The following SDHA variants were observed in gnomAD, a reference collection of about 807,000 sequenced individuals.
SDHA encodes succinate dehydrogenase complex flavoprotein subunit A.
Under a neutral mutation model 78.4 loss-of-function variants are expected in SDHA, and 48 were observed. The observed-to-expected ratio is 0.61, with a 90% confidence interval of 0.49 to 0.78. The LOEUF (loss-of-function observed/expected upper bound fraction) is 0.78. Among genes scored for constraint, SDHA ranks in the 30% least tolerant of loss-of-function variants. The pLI, the probability that SDHA is intolerant of heterozygous loss-of-function variation, is 0.00. For missense variants in SDHA, 680 were observed against 892.7 expected, an observed-to-expected ratio of 0.76 and a Z score of 3.04; for synonymous variants, 326 against 353.9, an observed-to-expected ratio of 0.92 and a Z score of 0.88.
chr5:262,358 A>G, the SDHA span, among the ~76,000 whole-genome samples: 1 of 146,864 alleles, frequency 6.8e-6, no homozygotes, highest in Non-Finnish European at 1.5e-5. Flanking sequence ...CCGGCAGAGC[A>G]TTACCGTGTG....
At chr5:237,910 G>A (rs1735881009) in intron 10 of SDHA, among the ~76,000 whole-genome samples, 2 of 136,046 alleles carry the variant, frequency 1.5e-5, no homozygotes, top group Admixed American at 7.1e-5. Flanking sequence ...GATCATCGGC[G>A]AAGGCGGAGT....
chr5:244,129 G>A (rs1736304866), intron 11 of SDHA, among the ~76,000 whole-genome samples: 1 of 152,000 alleles, frequency 6.6e-6, no homozygotes, highest in Non-Finnish European at 1.5e-5. Flanking sequence ...TCCAAACCGG[G>A]GCATTTCCGG....
intron 11 of SDHA, among the ~76,000 whole-genome samples, chr5:247,160 G>A (rs7705305): frequency 0.24 from 36,638 of 152,118 alleles, 6,879 homozygotes; most frequent in African/African-American, 0.53. Flanking sequence ...CTCAAAAAGT[G>A]GAGCTTGTAG....
At chr5:222,059 T>G (rs1734747296) in intron 1 of SDHA, among the ~76,000 whole-genome samples, 1 of 152,124 alleles carries the variant, frequency 6.6e-6, no homozygotes, top group Admixed American at 6.5e-5. Context: ...TCAAGAACAT[T>G]TGTATTAAAA....
chr5:225,666 T>C, intron 4 of SDHA, 104 bp downstream of exon 4: 2 of 1,522,260 alleles, frequency 1.3e-6, no homozygotes, highest in Middle Eastern at 4.0e-4. Flanking sequence ...GCCAAAAGAA[T>C]GGTGATGAGC....
At chr5:246,901 C>CAA (rs1180589772) in intron 11 of SDHA, among the ~76,000 whole-genome samples, 2 of 152,212 alleles carry the variant, frequency 1.3e-5, no homozygotes, top group Non-Finnish European at 1.5e-5. Flanking sequence ...CACGAAGGCA[C>CAA]AAATACAGCA....
At chr5:245,808 T>A (rs1736412104) in intron 11 of SDHA, among the ~76,000 whole-genome samples, 1 of 152,230 alleles carries the variant, frequency 6.6e-6, no homozygotes, top group African/African-American at 2.4e-5. Context: ...CACCCTGCTC[T>A]AGGCATTCCT....
chr5:223,361 T>G, intron 1 of SDHA, 121 bp from the exon 2 acceptor site: 2 of 786,902 alleles, frequency 2.5e-6, no homozygotes, highest in Non-Finnish European at 4.6e-6. Flanking sequence ...GCTCTCTGGA[T>G]GCACAGGAGC....
chr5:233,681 G>T, intron 8 of SDHA, 36 bp downstream of exon 8: 1 of 1,610,672 alleles, frequency 6.2e-7, no homozygotes, highest in Non-Finnish European at 8.5e-7. Flanking sequence ...GTCTGAGCGG[G>T]CACACGGGCC....
At chr5:257,872 G>T (rs1395852189), downstream of SDHA, among the ~76,000 whole-genome samples, 2 of 14,716 alleles carry the variant, frequency 1.4e-4, no homozygotes, top group East Asian at 2.4e-3. Flanking sequence ...TCCTGCCATA[G>T]CATTACTGTG....
At position 235,276 on chromosome 5, in the gene SDHA, G is replaced by A. The variant is rs771919335; in HGVS notation, c.1197G>A (p.Pro399=). The change falls in exon 9 of 15, where the codon CCG becomes CCA. Residue 399 remains proline (P), a synonymous_variant. Coordinates refer to ENST00000264932, the MANE Select transcript of SDHA (RefSeq NM_004168.4). ...IFAGVDVTKE[P]IPVLPTVHYN... is the part of the protein sequence containing the mutation. ...CTGGCGTGGACGTCACGAAGGAGCCGATCCCTGTCCTCCCCACCGTGCATT... is the reference window on the plus strand; with the variant it reads ...CTGGCGTGGACGTCACGAAGGAGCCAATCCCTGTCCTCCCCACCGTGCATT... 19 of 1,613,906 alleles carry A rather than the reference G, an allele frequency of 1.2e-5. No individual in the cohort carries two copies. Among genetic ancestry groups the A allele is most frequent in the Admixed American group, 1.7e-5 (1 of 59,982 alleles).
At chr5:249,908 GGT>G (rs1385178322) in intron 11 of SDHA, 2 of 152,222 alleles carry the variant, frequency 1.3e-5, no homozygotes, top group Non-Finnish European at 2.9e-5. Context: ...AATGTAGTAA[GGT>G]GTCTGGATAA....
intron 5 of SDHA, 93 bp from the exon 6 acceptor site, chr5:228,092 A>G: frequency 7.8e-7 from 1 of 1,278,112 alleles, no homozygotes; most frequent in Non-Finnish European, 1.1e-6. Flanking sequence ...CATTTGGATC[A>G]AGTTCTTTCA....
At chr5:232,216 TTTTA>T (rs1215814424) in intron 7 of SDHA, among the ~76,000 whole-genome samples, 3 of 152,128 alleles carry the variant, frequency 2.0e-5, no homozygotes, top group Non-Finnish European at 4.4e-5. Context: ...AGTGTTTTTT[TTTTA>T]TTTGTTTCGA....
chr5:241,934 G>C (rs1736167129), intron 11 of SDHA, among the ~76,000 whole-genome samples: 1 of 152,228 alleles, frequency 6.6e-6, no homozygotes, highest in Admixed American at 6.5e-5. Context: ...AAGAACCATT[G>C]CATTAGAGAA....
chr5:265,078 G>C, the SDHA span, among the ~76,000 whole-genome samples: 1 of 152,080 alleles, frequency 6.6e-6, no homozygotes, highest in Non-Finnish European at 1.5e-5. Context: ...ATGGTGGCAG[G>C]TGCCTGTAAT....
At chr5:226,176 T>A in intron 5 of SDHA, 129 bp downstream of exon 5, 1 of 1,034,178 alleles carries the variant, frequency 9.7e-7, no homozygotes, top group Non-Finnish European at 1.5e-6. Context: ...AACAGCAGCG[T>A]GGGGCGCATG....
the SDHA span, among the ~76,000 whole-genome samples, chr5:265,474 C>A: frequency 6.6e-6 from 1 of 152,208 alleles, no homozygotes; most frequent in African/African-American, 2.4e-5. Flanking sequence ...TAACTCCTAA[C>A]ACTGGGAGTG....
intron 7 of SDHA, 40 bp downstream of exon 7, chr5:231,040 G>A (rs747211004): frequency 1.9e-6 from 3 of 1,612,060 alleles, no homozygotes; most frequent in Non-Finnish European, 2.5e-6. Flanking sequence ...TTTGGCTTGT[G>A]TGTGTCTTGT....
Sources: allele counts gnomAD v4.1 joint callset (sites outside exome capture counted in the v4.1 genomes callset), GRCh38; gene constraint gnomAD v4.1.1; transcripts MANE v1.5; gene names NCBI Gene and HGNC (gene_info 2026-07-23, HGNC 2026-07-21).